Variants in KHDRBS2 observed in about 807,000 individuals in gnomAD.
The protein encoded by KHDRBS2 is KH RNA binding domain containing, signal transduction associated 2.
In KHDRBS2, 26 loss-of-function variants were observed where a neutral mutation model predicts 44.3. The observed-to-expected ratio is 0.59, with a 90% CI of 0.43 to 0.81. The LOEUF is 0.81. Among genes scored for constraint, KHDRBS2 ranks in the 40% least tolerant of loss-of-function variants. KHDRBS2 has a pLI of 0.00. For missense variants in KHDRBS2, 476 were observed against 433.1 expected, an observed-to-expected ratio of 1.10 and a Z score of -0.88; for synonymous variants, 194 against 151.1, an observed-to-expected ratio of 1.28 and a Z score of -2.08.
At chr6:61,871,859 C>T (rs140574984) in intron 6 of KHDRBS2, among the ~76,000 whole-genome samples, 15 of 149,562 alleles carry the variant, frequency 1.0e-4, no homozygotes, top group African/African-American at 2.5e-4. Flanking sequence ...AAAGAAGCAC[C>T]GCATGTTCTC....
At chr6:61,969,108 C>T (rs756890666) in intron 4 of KHDRBS2, among the ~76,000 whole-genome samples, 1 of 151,926 alleles carries the variant, frequency 6.6e-6, no homozygotes, top group African/African-American at 2.4e-5. Context: ...CATATAAGAT[C>T]TTTTCTGTAA....
At chr6:61,955,709 CAT>C (rs1562522442) in intron 4 of KHDRBS2, among the ~76,000 whole-genome samples, 1 of 89,874 alleles carries the variant, frequency 1.1e-5, no homozygotes, top group Non-Finnish European at 2.5e-5. Flanking sequence ...TATATATACA[CAT>C]ATGTATGTAT....
chr6:62,249,968 C>A (rs1481552184), intron 1 of KHDRBS2, among the ~76,000 whole-genome samples: 1 of 152,076 alleles, frequency 6.6e-6, no homozygotes, highest in Non-Finnish European at 1.5e-5. Flanking sequence ...CCCATGTTGT[C>A]TCTTAATTAT....
intron 6 of KHDRBS2, among the ~76,000 whole-genome samples, chr6:61,815,866 C>T (rs1299823149): frequency 6.6e-6 from 1 of 152,038 alleles, no homozygotes; most frequent in Non-Finnish European, 1.5e-5. Flanking sequence ...ATTGAAAAGT[C>T]CTGATAAATG....
intron 1 of KHDRBS2, among the ~76,000 whole-genome samples, chr6:62,244,735 A>G (rs955242613): frequency 6.6e-6 from 1 of 152,168 alleles, no homozygotes; most frequent in African/African-American, 2.4e-5. Context: ...AATCTTTATC[A>G]CAGATCTCCG....
At chr6:61,986,717 G>T (rs1775118533) in intron 3 of KHDRBS2, among the ~76,000 whole-genome samples, 1 of 152,114 alleles carries the variant, frequency 6.6e-6, no homozygotes, top group South Asian at 2.1e-4. Context: ...TTCCTGGTGA[G>T]GGCTCTTTTC....
intron 6 of KHDRBS2, among the ~76,000 whole-genome samples, chr6:61,786,577 T>C (rs548120493): frequency 1.3e-5 from 2 of 152,088 alleles, no homozygotes; most frequent in Admixed American, 6.6e-5. Flanking sequence ...AAAGTAACTA[T>C]GGAATCTGAA....
At chr6:61,801,145 T>A (rs1786190343) in intron 6 of KHDRBS2, among the ~76,000 whole-genome samples, 1 of 152,222 alleles carries the variant, frequency 6.6e-6, no homozygotes, top group African/African-American at 2.4e-5. Flanking sequence ...ATTCTTTGCT[T>A]TAGTTTTAGG....
intron 3 of KHDRBS2, among the ~76,000 whole-genome samples, chr6:61,995,697 T>C (rs1409129805): frequency 6.6e-6 from 1 of 152,120 alleles, no homozygotes; most frequent in Non-Finnish European, 1.5e-5. Flanking sequence ...GGACTTTAGT[T>C]ATTTTAACTA....
intron 5 of KHDRBS2, among the ~76,000 whole-genome samples, chr6:61,897,363 G>C (rs1185703395): frequency 1.3e-5 from 2 of 152,022 alleles, no homozygotes; most frequent in East Asian, 1.9e-4. Flanking sequence ...AAAATACATT[G>C]AGATATTAAG....
chr6:61,878,636 G>A (rs1799783281), intron 6 of KHDRBS2, among the ~76,000 whole-genome samples: 1 of 151,928 alleles, frequency 6.6e-6, no homozygotes, highest in Non-Finnish European at 1.5e-5. Flanking sequence ...ATCCAGCACA[G>A]GAATAATACT....
chr6:62,051,243 G>T (rs1174452584), intron 2 of KHDRBS2, among the ~76,000 whole-genome samples: 2 of 151,984 alleles, frequency 1.3e-5, no homozygotes, highest in African/African-American at 4.8e-5. Context: ...TTATTTCATT[G>T]TATGCAAATA....
intron 1 of KHDRBS2, among the ~76,000 whole-genome samples, chr6:62,269,275 T>C (rs995994417): frequency 3.3e-5 from 5 of 150,482 alleles, no homozygotes; most frequent in Non-Finnish European, 7.4e-5. Context: ...ACTTCTCCTC[T>C]CTGAAAGATG....
At chr6:61,656,360 G>A in the KHDRBS2 span, among the ~76,000 whole-genome samples, 2 of 151,870 alleles carry the variant, frequency 1.3e-5, no homozygotes, top group Non-Finnish European at 1.5e-5. Flanking sequence ...ATCCTATGAA[G>A]TTCTCATTTT....
chr6:61,580,365 A>T, the KHDRBS2 span, among the ~76,000 whole-genome samples: 1 of 152,104 alleles, frequency 6.6e-6, no homozygotes, highest in Non-Finnish European at 1.5e-5. Flanking sequence ...TGTAAAATGG[A>T]CCAATCGGCA....
At chr6:61,877,432 G>GTT (rs140590888) in intron 6 of KHDRBS2, among the ~76,000 whole-genome samples, 2 of 147,840 alleles carry the variant, frequency 1.4e-5, no homozygotes, top group African/African-American at 5.0e-5. Flanking sequence ...TAATCAGAAA[G>GTT]TTTTTTTTTT....
chr6:61,733,951 A>G (rs1484615631), intron 6 of KHDRBS2, among the ~76,000 whole-genome samples: 1 of 152,122 alleles, frequency 6.6e-6, no homozygotes, highest in Non-Finnish European at 1.5e-5. Context: ...AATTCTTTTC[A>G]GTCTGGAGGC....
At chr6:61,838,270 A>G (rs998750620) in intron 6 of KHDRBS2, among the ~76,000 whole-genome samples, 25 of 152,110 alleles carry the variant, frequency 1.6e-4, no homozygotes, top group African/African-American at 5.8e-4. Flanking sequence ...GTAAATATCA[A>G]TTTTTGAGAT....
chr6:62,077,323 C>A (rs112085346), intron 2 of KHDRBS2, among the ~76,000 whole-genome samples: 37 of 151,950 alleles, frequency 2.4e-4, no homozygotes, highest in African/African-American at 7.2e-4. Flanking sequence ...GCCTGCCAGG[C>A]CTTATGGGGA....
Sources: gnomAD v4.1 joint callset for allele counts (sites outside exome capture counted in the v4.1 genomes callset) on GRCh38, gnomAD v4.1.1 for gene constraint, MANE v1.5 for transcripts, NCBI Gene and HGNC (gene_info 2026-07-23, HGNC 2026-07-21) for gene names.